SNTG2: variants seen among roughly 807,000 people sequenced by gnomAD.
SNTG2 encodes gamma-2-syntrophin.
SNTG2 carries 74 observed loss-of-function variants against 70.9 expected under a neutral mutation model. The ratio of observed to expected loss-of-function variants is 1.04; its 90% CI spans 0.86 to 1.27. The LOEUF (loss-of-function observed/expected upper bound fraction) is 1.27. SNTG2 is among the 50% of genes most tolerant of loss of function. The pLI, the probability that SNTG2 is intolerant of heterozygous loss-of-function variation, is 0.00. For synonymous variants in SNTG2, 278 were observed against 273.8 expected (o/e 1.02, Z -0.15); for missense variants, 717 against 690.7 (o/e 1.04, Z -0.43).
chr2:1,288,309 TTC>T (rs1396318613), intron 14 of SNTG2, among the ~76,000 whole-genome samples: 1 of 152,200 alleles, frequency 6.6e-6, no homozygotes, highest in Admixed American at 6.5e-5. Flanking sequence ...GTTGTCTCAT[TTC>T]TGCTACTTTT....
intron 8 of SNTG2, among the ~76,000 whole-genome samples, chr2:1,203,377 G>C (rs1375575954): frequency 6.6e-6 from 1 of 151,974 alleles, no homozygotes; most frequent in Non-Finnish European, 1.5e-5. Context: ...TGTTACACAG[G>C]CCGGGCACAG....
chr2:1,147,213 T>G (rs13032676), intron 6 of SNTG2, among the ~76,000 whole-genome samples: 55,888 of 151,984 alleles, frequency 0.37, 11,115 homozygotes, highest in East Asian at 0.83. Flanking sequence ...TTGACAAGGG[T>G]TGGGCTTGTG....
intron 1 of SNTG2, among the ~76,000 whole-genome samples, chr2:1,021,612 T>C (rs1660178913): frequency 6.6e-6 from 1 of 152,050 alleles, no homozygotes; most frequent in Non-Finnish European, 1.5e-5. Flanking sequence ...TTTTTTTTCT[T>C]TTGCTTTAGG....
chr2:1,032,086 C>T (rs1259043059), intron 1 of SNTG2, among the ~76,000 whole-genome samples: 1 of 152,036 alleles, frequency 6.6e-6, no homozygotes, highest in Non-Finnish European at 1.5e-5. Context: ...GACAGCATTG[C>T]TTGTGACAGG....
At chr2:1,067,699 A>G (rs1663248458) in intron 1 of SNTG2, among the ~76,000 whole-genome samples, 1 of 152,150 alleles carries the variant, frequency 6.6e-6, no homozygotes, top group Admixed American at 6.5e-5. Context: ...AAGAGGTAAA[A>G]CTTGAGCACT....
At chr2:1,000,852 A>T (rs2147987406) in intron 1 of SNTG2, among the ~76,000 whole-genome samples, 1 of 152,134 alleles carries the variant, frequency 6.6e-6, no homozygotes, top group East Asian at 1.9e-4. Context: ...ATGAACATAG[A>T]TGCAAAATCC....
chr2:1,068,605 A>G (rs371969657), intron 1 of SNTG2, among the ~76,000 whole-genome samples: 38 of 152,334 alleles, frequency 2.5e-4, no homozygotes, highest in African/African-American at 8.9e-4. Context: ...GCCATTTTAT[A>G]TTTTGTACTG....
At chr2:1,316,236 A>C in intron 15 of SNTG2, 29 bp from the exon 16 acceptor site, 1 of 1,130,208 alleles carries the variant, frequency 8.8e-7, no homozygotes, top group Non-Finnish European at 1.3e-6. Flanking sequence ...CTTGTTTAGA[A>C]ATCGCTAATT....
At chr2:1,113,710 G>T (rs565823568) in intron 4 of SNTG2, among the ~76,000 whole-genome samples, 11 of 129,982 alleles carry the variant, frequency 8.5e-5, no homozygotes, top group African/African-American at 3.0e-4. Context: ...GAGGATCATG[G>T]GTACTGAGGA....
chr2:1,087,481 C>T (rs1399031957), intron 2 of SNTG2, among the ~76,000 whole-genome samples: 2 of 152,194 alleles, frequency 1.3e-5, no homozygotes, highest in South Asian at 4.1e-4. Context: ...TCTGCTGATG[C>T]TGCAGTATGT....
At chr2:1,104,735 T>TA (rs1175397853) in intron 4 of SNTG2, among the ~76,000 whole-genome samples, 1 of 152,212 alleles carries the variant, frequency 6.6e-6, no homozygotes, top group Non-Finnish European at 1.5e-5. Context: ...CCTCTCAGCT[T>TA]ACGGTGGTTT....
chr2:1,212,750 T>G (rs559782218), intron 9 of SNTG2, among the ~76,000 whole-genome samples: 5 of 152,302 alleles, frequency 3.3e-5, no homozygotes, highest in Non-Finnish European at 7.4e-5. Context: ...TGTAAGCTCC[T>G]CAGGTCTCAT....
At chr2:1,079,155 C>T (rs1238309412) in intron 1 of SNTG2, among the ~76,000 whole-genome samples, 2 of 152,158 alleles carry the variant, frequency 1.3e-5, no homozygotes, top group East Asian at 1.9e-4. Flanking sequence ...CAGCGGAACC[C>T]GCGTCCCCTC....
intron 14 of SNTG2, among the ~76,000 whole-genome samples, chr2:1,303,154 A>G (rs1437916202): frequency 6.6e-6 from 1 of 152,210 alleles, no homozygotes; most frequent in Non-Finnish European, 1.5e-5. Context: ...TCCAGTAAAC[A>G]TTTATGGAAT....
chr2:1,254,069 C>T (rs959135888), intron 12 of SNTG2, among the ~76,000 whole-genome samples: 4 of 152,312 alleles, frequency 2.6e-5, no homozygotes, highest in Non-Finnish European at 1.5e-5. Flanking sequence ...CCAGGCTCCA[C>T]CTCCAACAGT....
intron 1 of SNTG2, among the ~76,000 whole-genome samples, chr2:978,027 TA>T (rs1292273333): frequency 1.3e-5 from 2 of 152,234 alleles, no homozygotes; most frequent in East Asian, 1.9e-4. Context: ...CTTGTATATT[TA>T]TTCATACTTG....
At chr2:1,133,872 G>A (rs1668181805) in intron 4 of SNTG2, among the ~76,000 whole-genome samples, 1 of 152,156 alleles carries the variant, frequency 6.6e-6, no homozygotes, top group African/African-American at 2.4e-5. Context: ...GGAATTGGTG[G>A]GTTCTTGGTC....
intron 1 of SNTG2, among the ~76,000 whole-genome samples, chr2:1,020,234 G>T (rs1474316317): frequency 2.6e-5 from 4 of 152,240 alleles, no homozygotes; most frequent in Non-Finnish European, 5.9e-5. Flanking sequence ...GGGGTGGATG[G>T]TGGAGGACTC....
intron 9 of SNTG2, among the ~76,000 whole-genome samples, chr2:1,222,042 TC>T: frequency 1.4e-4 from 1 of 6,978 alleles, no homozygotes; most frequent in African/African-American, 8.1e-4. Context: ...TCTCTGTCTC[TC>T]TCTGTCTCTC....
Sources: gnomAD v4.1 joint callset for allele counts (sites outside exome capture counted in the v4.1 genomes callset) on GRCh38, gnomAD v4.1.1 for gene constraint, MANE v1.5 for transcripts, NCBI Gene and HGNC (gene_info 2026-07-23, HGNC 2026-07-21) for gene names.